The following PUDP variants were observed in gnomAD, a reference collection of about 807,000 sequenced individuals.
PUDP encodes the protein pseudouridine-5'-phosphatase.
PUDP carries 8 observed loss-of-function variants against 9.4 expected under a neutral mutation model. The ratio of observed to expected loss-of-function variants is 0.85; its 90% CI spans 0.50 to 1.53. The LOEUF is 1.53. Among genes scored for constraint, PUDP ranks in the 40% most tolerant of loss-of-function variants. The probability of loss-of-function intolerance (pLI) is 0.00; values close to 1 mark genes in which losing one functional copy is unlikely to be tolerated. For missense variants in PUDP, 188 were observed against 189.7 expected (o/e 0.99, Z 0.05); for synonymous variants, 99 against 80.7 (o/e 1.23, Z -1.22).
At chrX:6,945,076 C>T (rs1928446444) in intron 3 of PUDP, among the ~76,000 whole-genome samples, 2 of 111,921 alleles carry the variant, frequency 1.8e-5, no homozygotes, top group Admixed American at 1.9e-4. Flanking sequence ...AAAACCTCCA[C>T]CTGCAAGCCA....
At chrX:6,760,212 A>G (rs895875142) in intron 3 of PUDP, among the ~76,000 whole-genome samples, 1 of 111,406 alleles carries the variant, frequency 9.0e-6, no homozygotes, top group African/African-American at 3.3e-5. Flanking sequence ...CTCTTTTCTC[A>G]ACTGGGAGTG....
intron 1 of PUDP, among the ~76,000 whole-genome samples, chrX:7,146,487 G>A (rs1301524519): frequency 9.0e-6 from 1 of 111,296 alleles, no homozygotes; most frequent in African/African-American, 3.3e-5. Context: ...CTATACCTAT[G>A]TATCCCACAA....
chrX:6,944,531 C>CT (rs1928439478), intron 3 of PUDP, among the ~76,000 whole-genome samples: 1 of 92,887 alleles, frequency 1.1e-5, no homozygotes, highest in African/African-American at 4.0e-5. Flanking sequence ...AAGGCAAAAT[C>CT]TAGAGTTCCT....
intron 3 of PUDP, among the ~76,000 whole-genome samples, chrX:6,759,304 T>C (rs187283264): frequency 8.9e-6 from 1 of 112,045 alleles, no homozygotes; most frequent in Admixed American, 9.5e-5. Context: ...TTTTCATTTG[T>C]TTTCTTGTTG....
rs753097455 is a variant in PUDP at position 6,865,148 on chromosome X, T to C, written c.*247+111985A>G. ...TTAATTTATTGACAACTATTCTTACTATTTATTTTTCACTCTTATTATAGT... is the reference window on the plus strand; with the variant it reads ...TTAATTTATTGACAACTATTCTTACCATTTATTTTTCACTCTTATTATAGT... On this transcript the variant is annotated intron_variant and NMD_transcript_variant, in intron 3 of 3. Coordinates refer to the PUDP transcript ENST00000655425. Among the ~76,000 whole-genome samples, 5 of 112,105 alleles carry C rather than the reference T, an allele frequency of 4.5e-5. No individual in the cohort carries two copies. In the East Asian group the frequency reaches 1.4e-3, roughly 31 times the overall value.
At chrX:6,957,065 T>C (rs1928638982) in intron 3 of PUDP, among the ~76,000 whole-genome samples, 1 of 112,289 alleles carries the variant, frequency 8.9e-6, no homozygotes, top group Non-Finnish European at 1.9e-5. Context: ...ACCACTTCCA[T>C]AATGGGAAAT....
intron 1 of PUDP, among the ~76,000 whole-genome samples, chrX:7,020,790 G>A (rs1028735784): frequency 4.4e-5 from 5 of 112,728 alleles, no homozygotes; most frequent in African/African-American, 1.6e-4. Flanking sequence ...CCTCATGGCT[G>A]GCACTATCCA....
At chrX:6,837,289 T>C (rs1478960251) in intron 3 of PUDP, among the ~76,000 whole-genome samples, 1 of 112,502 alleles carries the variant, frequency 8.9e-6, no homozygotes, top group Non-Finnish European at 1.9e-5. Flanking sequence ...CTTGGACACC[T>C]GAAAGGATCT....
chrX:7,047,626 C>T (rs773941946), downstream of PUDP, among the ~76,000 whole-genome samples: 62 of 112,269 alleles, frequency 5.5e-4, no homozygotes, highest in African/African-American at 1.9e-3. Context: ...ATACTACAGA[C>T]TTTGAAATGA....
intron 3 of PUDP, among the ~76,000 whole-genome samples, chrX:6,816,004 A>G (rs1433984417): frequency 9.4e-6 from 1 of 106,525 alleles, no homozygotes; most frequent in Admixed American, 1.0e-4. Context: ...TGTATATACT[A>G]TATATTTTTG....
chrX:6,885,481 G>A (rs1927408821), intron 3 of PUDP, among the ~76,000 whole-genome samples: 1 of 111,878 alleles, frequency 8.9e-6, no homozygotes, highest in African/African-American at 3.3e-5. Context: ...ACAAGTCATG[G>A]CACTCAACAA....
rs777733500 is a variant in PUDP at position 6,731,750 on chromosome X, AAGGG to A, written c.*248-25288_*248-25285del. ...GAAGAAAAGAAGGAGGGAAGGAAGG[AAGGG>A]AGGGAGGGAGGGAGGGAGGGAGGGA... is the stretch of plus-strand genomic sequence containing the variant. On this transcript the variant is annotated intron_variant and NMD_transcript_variant, in intron 3 of 3. Coordinates refer to the PUDP transcript ENST00000655425. Among the ~76,000 whole-genome samples, 57 of 78,714 alleles carry A rather than the reference AAGGG, an allele frequency of 7.2e-4. No individual in the cohort carries two copies. In the East Asian group the frequency reaches 8.8e-3, roughly 12 times the overall value. The allele number at this position is 78,714 out of a possible 115,157, so 68.4% of individuals were successfully genotyped here.
At chrX:6,778,280 A>G (rs1362003589) in intron 3 of PUDP, among the ~76,000 whole-genome samples, 1 of 112,162 alleles carries the variant, frequency 8.9e-6, no homozygotes, top group Non-Finnish European at 1.9e-5. Context: ...GAAGTCTTGG[A>G]AACACCCTCT....
intron 1 of PUDP, among the ~76,000 whole-genome samples, chrX:6,982,023 T>TAC (rs59016698): frequency 0.026 from 2,266 of 86,955 alleles, 64 homozygotes; most frequent in African/African-American, 0.075. Context: ...AACTTATGGA[T>TAC]ACACACACAC....
rs779147026 is a variant in PUDP at position 6,749,200 on chromosome X, G to A, written c.*248-42734C>T. On this transcript the variant is annotated intron_variant and NMD_transcript_variant, in intron 3 of 3. Transcript: ENST00000655425. Reference sequence around the variant, plus strand: ...AGGGGTGAAGTGGAGGACTTGAGACGAATTGGAGTATGTTGGCAAAAGCCA... The same window carrying A: ...AGGGGTGAAGTGGAGGACTTGAGACAAATTGGAGTATGTTGGCAAAAGCCA... Among the ~76,000 whole-genome samples the A allele has an allele frequency of 3.6e-5, 4 of 112,269 alleles. No homozygotes were observed. The Admixed American group carries it at 3.8e-4, about 11-fold the overall frequency.
At chrX:7,069,730 C>T (rs1684502805) in intron 3 of PUDP, among the ~76,000 whole-genome samples, 1 of 111,465 alleles carries the variant, frequency 9.0e-6, no homozygotes, top group Non-Finnish European at 1.9e-5. Flanking sequence ...AGCCCTCATA[C>T]ATCCAATGCT....
chrX:6,821,113 C>CTAAATA (rs1926335280), intron 3 of PUDP, among the ~76,000 whole-genome samples: 1 of 111,186 alleles, frequency 9.0e-6, no homozygotes, highest in Non-Finnish European at 1.9e-5. Flanking sequence ...TTGGAACTTC[C>CTAAATA]ACCCAGGGGA....
At chrX:6,786,649 C>T (rs1049582747) in intron 3 of PUDP, among the ~76,000 whole-genome samples, 2 of 111,501 alleles carry the variant, frequency 1.8e-5, no homozygotes, top group Admixed American at 9.6e-5. Flanking sequence ...GCACATTTCA[C>T]TCTTCTGAGC....
intron 3 of PUDP, among the ~76,000 whole-genome samples, chrX:6,862,987 C>A (rs984775597): frequency 8.9e-6 from 1 of 111,901 alleles, no homozygotes; most frequent in African/African-American, 3.2e-5. Context: ...AATTCAATAA[C>A]GTACTTTTAT....
Sources: gnomAD v4.1 joint callset for allele counts (sites outside exome capture counted in the v4.1 genomes callset) on GRCh38, gnomAD v4.1.1 for gene constraint, MANE v1.5 for transcripts, NCBI Gene and HGNC (gene_info 2026-07-23, HGNC 2026-07-21) for gene names.